Variants in JMJD1C observed in about 807,000 individuals in gnomAD.
JMJD1C encodes jumonji domain containing 1C.
A neutral mutation model predicts 245.3 loss-of-function variants in JMJD1C; 31 were observed. The ratio of observed to expected loss-of-function variants is 0.13; its 90% CI spans 0.09 to 0.17. The LOEUF is 0.17. Among genes scored for constraint, JMJD1C ranks in the 10% least tolerant of loss-of-function variants. JMJD1C has a pLI of 1.00. For synonymous variants in JMJD1C, 1,057 were observed against 1,017.4 expected (o/e 1.04, Z -0.74); for missense variants, 2,691 against 3,000.2 (o/e 0.90, Z 2.41).
intron 1 of JMJD1C, among the ~76,000 whole-genome samples, chr10:63,400,236 T>A (rs1348514089): frequency 6.6e-6 from 1 of 152,240 alleles, no homozygotes; most frequent in African/African-American, 2.4e-5. Flanking sequence ...ATATGTCATT[T>A]TGTATTTTTG....
At chr10:63,213,426 T>C (rs1589164493) in intron 8 of JMJD1C, 47 bp downstream of exon 8, 1 of 1,049,670 alleles carries the variant, frequency 9.5e-7, no homozygotes, top group African/African-American at 1.6e-5. Flanking sequence ...CACCTGTACA[T>C]GTTCATTAAT....
chr10:63,493,009 G>C (rs1281326563), intron 1 of JMJD1C, among the ~76,000 whole-genome samples: 1 of 152,050 alleles, frequency 6.6e-6, no homozygotes, highest in Non-Finnish European at 1.5e-5. Flanking sequence ...TAGCTTAAGG[G>C]GGAGAAATAG....
chr10:63,193,204 A>C (rs1284085301), intron 15 of JMJD1C, 53 bp from the exon 16 acceptor site: 2 of 1,515,892 alleles, frequency 1.3e-6, no homozygotes, highest in African/African-American at 1.4e-5. Flanking sequence ...TAATTCAATT[A>C]GTAGTATAGA....
At chr10:63,463,353 G>A (rs1056221453) in intron 1 of JMJD1C, among the ~76,000 whole-genome samples, 1 of 152,000 alleles carries the variant, frequency 6.6e-6, no homozygotes, top group Non-Finnish European at 1.5e-5. Context: ...TTTTTGTAGG[G>A]ACAGGGTTTC....
At chr10:63,511,454 G>C (rs1209062580) in intron 1 of JMJD1C, among the ~76,000 whole-genome samples, 1 of 152,216 alleles carries the variant, frequency 6.6e-6, no homozygotes. Context: ...GCTCACGTCT[G>C]TAATCCCAGC....
At chr10:63,195,010 G>A (rs1482619512) in intron 13 of JMJD1C, among the ~76,000 whole-genome samples, 1 of 152,056 alleles carries the variant, frequency 6.6e-6, no homozygotes, top group Non-Finnish European at 1.5e-5. Flanking sequence ...TACTTACGAC[G>A]TGGCTACAAG....
In JMJD1C at chr10:63,417,926, G is replaced by A. The variant is rs185733983; in HGVS notation, c.169-37444C>T. Among the ~76,000 whole-genome samples the A allele has an allele frequency of 9.4e-4, 143 of 152,204 alleles. 1 individual carries two copies. Among genetic ancestry groups the A allele is most frequent in the African/African-American group, 3.1e-3 (127 of 41,534 alleles). ...TTTTCAACGAACTCAACTATTTCAG[G>A]TCATAATTTTGCTCTAATAAACCTA... is the stretch of plus-strand genomic sequence containing the variant. On this transcript the variant is annotated intron_variant, in intron 1 of 25. Coordinates refer to ENST00000399262, the MANE Select transcript of JMJD1C (RefSeq NM_032776.3).
intron 2 of JMJD1C, among the ~76,000 whole-genome samples, chr10:63,316,586 C>A (rs1393739952): frequency 6.6e-6 from 1 of 151,994 alleles, no homozygotes; most frequent in East Asian, 1.9e-4. Flanking sequence ...TAGCTGAGAT[C>A]CCAGGTGCCC....
Position 63,215,436 on chromosome 10 carries a change from T to G in JMJD1C, c.842A>C (p.Gln281Pro), listed in dbSNP as rs374843806. 1 of 1,614,148 alleles carries G rather than the reference T, an allele frequency of 6.2e-7. No homozygotes were observed. Among genetic ancestry groups the G allele is most frequent in the African/African-American group, 1.3e-5 (1 of 75,046 alleles). Residue 281 changes from glutamine to proline, a missense_variant, in exon 7 of 26, where the codon CAA becomes CCA. Coordinates refer to ENST00000399262, the MANE Select transcript of JMJD1C (RefSeq NM_032776.3). ...NAVHSHYTRA[Q>P]ANSPRPAMNS... ...CATTGCTGGTCTGGGACTATTTGCT[T>G]GGGCACGTGTATAATGGCTCTAAAA...
intron 1 of JMJD1C, among the ~76,000 whole-genome samples, chr10:63,478,837 A>G (rs1360392862): frequency 1.3e-5 from 2 of 152,198 alleles, no homozygotes; most frequent in African/African-American, 4.8e-5. Flanking sequence ...CACATGGTGC[A>G]TACCTACAGT....
At chr10:63,299,605 T>C (rs910230744) in intron 2 of JMJD1C, among the ~76,000 whole-genome samples, 12 of 152,094 alleles carry the variant, frequency 7.9e-5, no homozygotes, top group Non-Finnish European at 1.8e-4. Flanking sequence ...AAAACAAACA[T>C]TTCAAATGCC....
intron 2 of JMJD1C, among the ~76,000 whole-genome samples, chr10:63,319,010 C>T (rs2134095286): frequency 6.6e-6 from 1 of 152,072 alleles, no homozygotes; most frequent in Non-Finnish European, 1.5e-5. Flanking sequence ...AAAATGCTCC[C>T]AGCACTCTGG....
intron 2 of JMJD1C, among the ~76,000 whole-genome samples, chr10:63,286,625 CAT>C (rs1401978018): frequency 6.6e-6 from 1 of 152,216 alleles, no homozygotes; most frequent in African/African-American, 2.4e-5. Flanking sequence ...CTTTGAACCA[CAT>C]AGAGGCCCTT....
At chr10:63,267,912 C>T (rs1018542161) in intron 2 of JMJD1C, among the ~76,000 whole-genome samples, 1 of 152,068 alleles carries the variant, frequency 6.6e-6, no homozygotes, top group African/African-American at 2.4e-5. Context: ...CACCACATTC[C>T]ATTCACATGA....
intron 2 of JMJD1C, among the ~76,000 whole-genome samples, chr10:63,271,343 AT>A (rs1200505739): frequency 6.6e-6 from 1 of 151,284 alleles, no homozygotes; most frequent in African/African-American, 2.4e-5. Flanking sequence ...TGCCCGGCTA[AT>A]TTTTGTATTT....
intron 3 of JMJD1C, among the ~76,000 whole-genome samples, chr10:63,244,106 A>C (rs1009199558): frequency 6.6e-6 from 1 of 152,216 alleles, no homozygotes; most frequent in Non-Finnish European, 1.5e-5. Flanking sequence ...AAACAAAGGA[A>C]GCAGAGAAGG....
intron 3 of JMJD1C, among the ~76,000 whole-genome samples, chr10:63,263,953 TACACATAC>T (rs1257065037): frequency 9.1e-4 from 31 of 33,958 alleles, no homozygotes; most frequent in South Asian, 8.0e-4. Context: ...AAAAAAAAAA[TACACATAC>T]ACACACACAC....
At chr10:63,364,118 G>A (rs2134383290) in intron 2 of JMJD1C, among the ~76,000 whole-genome samples, 1 of 152,218 alleles carries the variant, frequency 6.6e-6, no homozygotes, top group South Asian at 2.1e-4. Context: ...GCCCACCTTG[G>A]CCTCCCAAAG....
At chr10:63,500,734 T>TGGAA (rs1311245189) in intron 1 of JMJD1C, among the ~76,000 whole-genome samples, 8 of 131,452 alleles carry the variant, frequency 6.1e-5, no homozygotes, top group Middle Eastern at 8.8e-3. Context: ...GATGGATGGA[T>TGGAA]GGATGGATGG....
Sources: allele counts gnomAD v4.1 joint callset (sites outside exome capture counted in the v4.1 genomes callset), GRCh38; gene constraint gnomAD v4.1.1; transcripts MANE v1.5; gene names NCBI Gene and HGNC (gene_info 2026-07-23, HGNC 2026-07-21).